Variants in PDE8A observed in about 807,000 individuals in gnomAD.
PDE8A encodes high affinity cAMP-specific and IBMX-insensitive 3',5'-cyclic phosphodiesterase 8A.
In PDE8A, 59 loss-of-function variants were observed where a neutral mutation model predicts 105.0. The ratio of observed to expected loss-of-function variants is 0.56; its 90% CI spans 0.46 to 0.70. The LOEUF is 0.70. PDE8A is among the 30% of genes least tolerant of loss of function. The probability of loss-of-function intolerance (pLI) is 0.00; values close to 1 mark genes in which losing one functional copy is unlikely to be tolerated. For synonymous variants in PDE8A, 355 were observed against 371.9 expected (o/e 0.95, Z 0.52); for missense variants, 1,014 against 1,045.9 (o/e 0.97, Z 0.42).
In PDE8A at chr15:85,042,076, A is replaced by T. The variant is rs1025903686; in HGVS notation, c.187-22294A>T. 4.6e-5 allele frequency among the ~76,000 whole-genome samples: 7 copies of T among 150,850 alleles called. No individual in the cohort carries two copies. In the South Asian group the frequency reaches 6.3e-4, roughly 14 times the overall value. On this transcript the variant is annotated intron_variant, in intron 1 of 21. Coordinates refer to ENST00000394553, the MANE Select transcript of PDE8A (RefSeq NM_002605.3). Reference sequence around the variant, plus strand: ...CCAAAAAGAAACTTTAAAGAAACCAATTTTTTTTTTTTAATAAAAAATAGT... The same window carrying T: ...CCAAAAAGAAACTTTAAAGAAACCATTTTTTTTTTTTTAATAAAAAATAGT...
At position 85,114,444 on chromosome 15, in the gene PDE8A, T is replaced by TG. The variant is rs1295636816; in HGVS notation, c.1350+409dup. Among the ~76,000 whole-genome samples the TG allele has an allele frequency of 7.9e-4, 121 of 152,228 alleles. 1 individual carries two copies. The highest frequency in any genetic ancestry group is 8.2e-4 in the African/African-American group (34 of 41,456). On this transcript the variant is annotated intron_variant, in intron 14 of 21. Coordinates refer to ENST00000394553, the MANE Select transcript of PDE8A (RefSeq NM_002605.3). ...AAATGGTGCCGGGGGTGCAACAGTT[T>TG]GGCCTTCAAAGCATCCCACACACAT... is the stretch of plus-strand genomic sequence containing the variant.
intron 20 of PDE8A, among the ~76,000 whole-genome samples, chr15:85,128,767 A>G (rs931474328): frequency 6.6e-6 from 1 of 152,250 alleles, no homozygotes; most frequent in Non-Finnish European, 1.5e-5. Flanking sequence ...AAAGCCAATA[A>G]GCACATGAAA....
rs756981588 is a variant in PDE8A, at chr15:85,115,486, A to C, written c.1398A>C (p.Lys466Asn). 20 of 1,489,162 alleles carry C rather than the reference A, an allele frequency of 1.3e-5. No individual in the cohort carries two copies. In the South Asian group the frequency reaches 2.6e-4, roughly 19 times the overall value. 92.2% of individuals were successfully genotyped at this position (1,489,162 alleles called of 1,614,324 possible). A position where few individuals can be genotyped will look rare whatever the true frequency, so the allele number is the denominator to read the frequency against. The part of the protein sequence containing the change: ...LSGNEYVLST[K>N]NTQMVSSNII... ...GGAATGAATATGTTCTTTCAACAAA[A>C]AGTAAGTTTTTCCTTTTTAATTTCT... Residue 466 changes from lysine (K) to asparagine (N), a missense_variant and splice_region_variant, in exon 15 of 22, where the codon AAA (lysine) becomes AAC (asparagine). Transcript: ENST00000394553.
intron 1 of PDE8A, among the ~76,000 whole-genome samples, chr15:85,015,607 T>C (rs2080311995): frequency 6.6e-6 from 1 of 152,230 alleles, no homozygotes; most frequent in Non-Finnish European, 1.5e-5. Context: ...TGCCTTGCCA[T>C]AGAATATTTT....
chr15:84,981,202 T>C (rs1004963905), upstream of PDE8A, among the ~76,000 whole-genome samples: 1 of 152,128 alleles, frequency 6.6e-6, no homozygotes, highest in South Asian at 2.1e-4. Context: ...GGCAAGTCTC[T>C]TTCCTTCTCT....
intron 1 of PDE8A, among the ~76,000 whole-genome samples, chr15:85,037,122 A>G (rs1236501301): frequency 1.3e-4 from 19 of 151,242 alleles, no homozygotes; most frequent in Non-Finnish European, 2.5e-4. Context: ...CTGGAGTGCA[A>G]TGGCGCAATC....
At chr15:85,005,625 T>C (rs549118170) in intron 1 of PDE8A, among the ~76,000 whole-genome samples, 1 of 152,254 alleles carries the variant, frequency 6.6e-6, no homozygotes, top group Non-Finnish European at 1.5e-5. Flanking sequence ...CTTAAGAAGC[T>C]AATTTGCACA....
intron 3 of PDE8A, among the ~76,000 whole-genome samples, chr15:85,069,108 A>G (rs1787913394): frequency 6.6e-6 from 1 of 152,250 alleles, no homozygotes; most frequent in South Asian, 2.1e-4. Context: ...TTTCAATGAA[A>G]AAAAGTAATG....
intron 11 of PDE8A, chr15:85,100,407 G>C (rs758859885): frequency 3.4e-6 from 2 of 588,022 alleles, no homozygotes; most frequent in East Asian, 5.6e-5. Context: ...GCCCTGGGGC[G>C]GGTCTCTGAG....
intron 1 of PDE8A, among the ~76,000 whole-genome samples, chr15:85,020,209 A>G (rs1485770085): frequency 1.3e-5 from 2 of 151,902 alleles, no homozygotes; most frequent in Non-Finnish European, 2.9e-5. Context: ...TTTTTATGTG[A>G]TCTGTCTGCC....
At chr15:85,130,379 C>T (rs1211492085) in intron 20 of PDE8A, among the ~76,000 whole-genome samples, 1 of 152,116 alleles carries the variant, frequency 6.6e-6, no homozygotes, top group African/African-American at 2.4e-5. Context: ...TGTGAGTTTC[C>T]CGGTTTTCCT....
At chr15:85,086,664 C>T (rs1360001313) in intron 6 of PDE8A, among the ~76,000 whole-genome samples, 3 of 152,110 alleles carry the variant, frequency 2.0e-5, no homozygotes, top group African/African-American at 7.2e-5. Context: ...TATGATAAAA[C>T]CCAGTAGGGC....
At chr15:85,135,354 G>T (rs1236143394) in intron 20 of PDE8A, among the ~76,000 whole-genome samples, 3 of 152,094 alleles carry the variant, frequency 2.0e-5, no homozygotes, top group Non-Finnish European at 4.4e-5. Context: ...CACCTCCTCA[G>T]GCCCTCCCAG....
At chr15:85,061,856 CTTTT>C (rs2081151388) in intron 1 of PDE8A, among the ~76,000 whole-genome samples, 1 of 152,092 alleles carries the variant, frequency 6.6e-6, no homozygotes, top group Non-Finnish European at 1.5e-5. Context: ...CTCATTCTTT[CTTTT>C]GCCTGCCCAA....
chr15:85,082,787 A>G (rs768966543), intron 5 of PDE8A, among the ~76,000 whole-genome samples: 18 of 152,244 alleles, frequency 1.2e-4, no homozygotes, highest in Non-Finnish European at 2.5e-4. Flanking sequence ...AAATATTTTT[A>G]CATTTGAATA....
chr15:85,085,422 G>T (rs562163884), intron 6 of PDE8A, among the ~76,000 whole-genome samples: 1 of 152,178 alleles, frequency 6.6e-6, no homozygotes, highest in Admixed American at 6.5e-5. Context: ...GAAACAGGCC[G>T]GGCACGGTGG....
At chr15:85,031,469 G>A (rs1054322502) in intron 1 of PDE8A, among the ~76,000 whole-genome samples, 1 of 152,086 alleles carries the variant, frequency 6.6e-6, no homozygotes, top group Admixed American at 6.6e-5. Flanking sequence ...GTCCTGCCCT[G>A]TTGCTCCAGA....
At chr15:84,986,802 C>A (rs1264101349) in intron 1 of PDE8A, among the ~76,000 whole-genome samples, 1 of 151,536 alleles carries the variant, frequency 6.6e-6, no homozygotes, top group African/African-American at 2.4e-5. Flanking sequence ...TTTGTCGAGA[C>A]GAGATCTTGC....
chr15:85,098,910 T>A (rs2081807037), intron 9 of PDE8A, among the ~76,000 whole-genome samples: 1 of 151,294 alleles, frequency 6.6e-6, no homozygotes. Flanking sequence ...TGAGCTATGA[T>A]CATGCCACTG....
Sources: gnomAD v4.1 joint callset for allele counts (sites outside exome capture counted in the v4.1 genomes callset) on GRCh38, gnomAD v4.1.1 for gene constraint, MANE v1.5 for transcripts, NCBI Gene and HGNC (gene_info 2026-07-23, HGNC 2026-07-21) for gene names.